Variants in SRD5A2 observed in about 807,000 individuals in gnomAD.
SRD5A2 encodes 3-oxo-5-alpha-steroid 4-dehydrogenase 2.
Under a neutral mutation model 27.4 loss-of-function variants are expected in SRD5A2, and 30 were observed. The observed-to-expected ratio is 1.10, with a 90% CI of 0.82 to 1.49. The LOEUF (loss-of-function observed/expected upper bound fraction) is 1.49. Ranked by LOEUF, SRD5A2 falls within the 40% of genes most tolerant of loss-of-function variation. SRD5A2 has a pLI of 0.00. For missense variants in SRD5A2, 348 were observed against 323.4 expected, an observed-to-expected ratio of 1.08 and a Z score of -0.58; for synonymous variants, 141 against 133.6, an observed-to-expected ratio of 1.06 and a Z score of -0.38.
At chr2:31,572,604 A>T (rs555184692) in intron 1 of SRD5A2, among the ~76,000 whole-genome samples, 2 of 152,316 alleles carry the variant, frequency 1.3e-5, no homozygotes, top group Non-Finnish European at 2.9e-5. Context: ...AAAACAAACA[A>T]CCCAATACAC....
intron 1 of SRD5A2, among the ~76,000 whole-genome samples, chr2:31,548,823 G>C (rs1055501462): frequency 1.3e-5 from 2 of 152,106 alleles, no homozygotes; most frequent in African/African-American, 4.8e-5. Context: ...CTAAAATGTG[G>C]AAGCAATCAA....
intron 1 of SRD5A2, chr2:31,562,969 G>A (rs967798095): frequency 3.3e-5 from 5 of 152,058 alleles, no homozygotes; most frequent in African/African-American, 1.2e-4. Context: ...AAGAACAAAA[G>A]CACAATCTGA....
the SRD5A2 span, among the ~76,000 whole-genome samples, chr2:31,598,404 A>T: frequency 6.6e-6 from 1 of 152,002 alleles, no homozygotes; most frequent in African/African-American, 2.4e-5. Flanking sequence ...TAAAGAACTT[A>T]TCCATGTAAT....
At chr2:31,532,429 C>G (rs943188140) in intron 2 of SRD5A2, among the ~76,000 whole-genome samples, 1 of 151,850 alleles carries the variant, frequency 6.6e-6, no homozygotes, top group African/African-American at 2.4e-5. Flanking sequence ...ATACTACACA[C>G]ACTGTTCACA....
chr2:31,627,992 T>C, the SRD5A2 span, among the ~76,000 whole-genome samples: 3 of 152,152 alleles, frequency 2.0e-5, no homozygotes, highest in Non-Finnish European at 4.4e-5. Flanking sequence ...ATTAGTTGCA[T>C]TTGGTCAAGT....
the SRD5A2 span, among the ~76,000 whole-genome samples, chr2:31,634,321 A>G: frequency 6.6e-6 from 1 of 152,204 alleles, no homozygotes; most frequent in Non-Finnish European, 1.5e-5. Flanking sequence ...GAAAGAAAAA[A>G]GGTTTAAAAA....
At chr2:31,662,230 A>G in the SRD5A2 span, among the ~76,000 whole-genome samples, 2 of 152,294 alleles carry the variant, frequency 1.3e-5, no homozygotes, top group South Asian at 2.1e-4. Flanking sequence ...AACATTATGA[A>G]TGACATGTTG....
the SRD5A2 span, among the ~76,000 whole-genome samples, chr2:31,596,324 G>T: frequency 6.7e-6 from 1 of 148,328 alleles, no homozygotes; most frequent in African/African-American, 2.5e-5. Flanking sequence ...GGAGGTGGAG[G>T]TTGCAGTGAG....
intron 1 of SRD5A2, 64 bp downstream of exon 1, chr2:31,580,556 C>G: frequency 7.0e-7 from 1 of 1,425,536 alleles, no homozygotes; most frequent in Non-Finnish European, 9.2e-7. Flanking sequence ...CTCCACGCTG[C>G]GCTCCTGGAC....
intron 1 of SRD5A2, among the ~76,000 whole-genome samples, chr2:31,558,027 T>C (rs1666535000): frequency 6.6e-6 from 1 of 152,192 alleles, no homozygotes; most frequent in Admixed American, 6.5e-5. Context: ...ATAATACCAA[T>C]GGATTTTAAA....
chr2:31,645,621 G>A, the SRD5A2 span, among the ~76,000 whole-genome samples: 1 of 152,124 alleles, frequency 6.6e-6, no homozygotes, highest in East Asian at 1.9e-4. Context: ...TAAAAAGTTA[G>A]AAATGTTCAT....
chr2:31,552,522 A>G (rs1666400845), intron 1 of SRD5A2, among the ~76,000 whole-genome samples: 1 of 152,138 alleles, frequency 6.6e-6, no homozygotes, highest in Non-Finnish European at 1.5e-5. Context: ...GTTACAGGAT[A>G]GCAGAGCTCT....
chr2:31,630,036 G>C, the SRD5A2 span, among the ~76,000 whole-genome samples: 1 of 152,194 alleles, frequency 6.6e-6, no homozygotes, highest in Non-Finnish European at 1.5e-5. Context: ...AATATGGGCA[G>C]TTATGTGGGA....
chr2:31,597,332 C>T, the SRD5A2 span, among the ~76,000 whole-genome samples: 1 of 151,482 alleles, frequency 6.6e-6, no homozygotes, highest in Admixed American at 6.6e-5. Context: ...GAAGATGGAT[C>T]AAAAACTTAA....
At chr2:31,635,625 C>G in the SRD5A2 span, among the ~76,000 whole-genome samples, 7 of 152,152 alleles carry the variant, frequency 4.6e-5, no homozygotes, top group East Asian at 1.3e-3. Context: ...CCAAAAAAAT[C>G]TTTGCCCAGA....
chr2:31,655,453 C>G, the SRD5A2 span, among the ~76,000 whole-genome samples: 1 of 152,184 alleles, frequency 6.6e-6, no homozygotes. Flanking sequence ...CACTGACTTC[C>G]AGGCAGAGGA....
the SRD5A2 span, among the ~76,000 whole-genome samples, chr2:31,595,380 T>C: frequency 2.6e-5 from 4 of 152,112 alleles, no homozygotes; most frequent in Non-Finnish European, 5.9e-5. Context: ...GATATCACAA[T>C]GGACACCACA....
upstream of SRD5A2, among the ~76,000 whole-genome samples, chr2:31,581,837 T>C (rs191543611): frequency 6.6e-5 from 10 of 152,282 alleles, no homozygotes; most frequent in East Asian, 1.9e-3. Flanking sequence ...CCCGCTGTTC[T>C]CTGAACTCCT....
chr2:31,578,317 A>T (rs1667001348), intron 1 of SRD5A2, among the ~76,000 whole-genome samples: 1 of 151,866 alleles, frequency 6.6e-6, no homozygotes, highest in Non-Finnish European at 1.5e-5. Flanking sequence ...TTATCCAACA[A>T]GTATACAACA....
Sources: allele counts gnomAD v4.1 joint callset (sites outside exome capture counted in the v4.1 genomes callset), GRCh38; gene constraint gnomAD v4.1.1; transcripts MANE v1.5; gene names NCBI Gene and HGNC (gene_info 2026-07-23, HGNC 2026-07-21).